Variants in PPP1R1C observed in about 807,000 individuals in gnomAD.
The protein encoded by PPP1R1C is protein phosphatase 1 regulatory subunit 1C.
PPP1R1C carries 15 observed loss-of-function variants against 17.4 expected under a neutral mutation model. The ratio of observed to expected loss-of-function variants is 0.86; its 90% CI spans 0.58 to 1.33. The LOEUF (loss-of-function observed/expected upper bound fraction) is 1.33. PPP1R1C is among the 40% of genes most tolerant of loss of function. The pLI, the probability that PPP1R1C is intolerant of heterozygous loss-of-function variation, is 0.00. For missense variants in PPP1R1C, 143 were observed against 130.0 expected, an observed-to-expected ratio of 1.10 and a Z score of -0.48; for synonymous variants, 35 against 43.1, an observed-to-expected ratio of 0.81 and a Z score of 0.73.
At chr2:182,093,529 A>C (rs553107216) in intron 4 of PPP1R1C, among the ~76,000 whole-genome samples, 1 of 152,282 alleles carries the variant, frequency 6.6e-6, no homozygotes, top group East Asian at 1.9e-4. Flanking sequence ...TTTCTTTTCT[A>C]TTCCATTATC....
chr2:181,990,231 G>C (rs1153747), intron 2 of PPP1R1C, among the ~76,000 whole-genome samples: 118,682 of 151,530 alleles, frequency 0.78, 46,720 homozygotes, highest in East Asian at 1. Context: ...CTCCACCTCC[G>C]GGGTTCACGC....
rs889886090 is a variant in PPP1R1C, at chr2:181,961,259, G to C, written n.111+6625G>C. ...CTCAGACACCACTTTGCGGCGGGTG[G>C]TGGTCTTTGGATGGTTTGCATGGAG... is the stretch of plus-strand genomic sequence containing the variant. On this transcript the variant is annotated intron_variant and non_coding_transcript_variant, in intron 1 of 5. Transcript: ENST00000464264. This position sits in a 1 kb window ranked among gnomAD's most constrained non-coding sequence, Gnocchi z 5.8. 7.0e-5 allele frequency: 54 copies of C among 776,422 alleles called. No individual in the cohort carries two copies. Among genetic ancestry groups the C allele is most frequent in the Non-Finnish European group, 1.2e-4 (53 of 442,488 alleles). The allele number at this position is 776,422 out of a possible 1,614,324, so 48.1% of individuals were successfully genotyped here.
intron 2 of PPP1R1C, among the ~76,000 whole-genome samples, chr2:181,996,502 C>T (rs1685616558): frequency 6.6e-6 from 1 of 152,136 alleles, no homozygotes; most frequent in Non-Finnish European, 1.5e-5. Context: ...ATCTTTGTGA[C>T]TCTACTTCAT....
chr2:182,072,760 T>C (rs1042578748), intron 4 of PPP1R1C, among the ~76,000 whole-genome samples: 2 of 152,244 alleles, frequency 1.3e-5, no homozygotes, highest in African/African-American at 4.8e-5. Context: ...GCTTGGTATC[T>C]TTGTTTTTAA....
At position 181,967,671 on chromosome 2, in the gene PPP1R1C, C is replaced by T. The variant is rs544720149; in HGVS notation, n.112-7548C>T. Among the ~76,000 whole-genome samples, 142 of 151,916 alleles carry T rather than the reference C, an allele frequency of 9.3e-4. No homozygotes were observed. The highest frequency in any genetic ancestry group is 2.8e-3 in the African/African-American group (115 of 41,470). ...TTCCTCCCTCCCTCCCTCCTTCTCT[C>T]TCTCTTTCCTTCCTTCCTTCCTTTC... On this transcript the variant is annotated intron_variant and non_coding_transcript_variant, in intron 1 of 5. Transcript: ENST00000464264. The surrounding 1 kb of genome is among the most constrained non-coding windows in gnomAD (Gnocchi z 5.5).
At chr2:182,036,768 C>A (rs1221412967) in intron 2 of PPP1R1C, among the ~76,000 whole-genome samples, 1 of 151,922 alleles carries the variant, frequency 6.6e-6, no homozygotes, top group Non-Finnish European at 1.5e-5. Flanking sequence ...TTTGCACCAA[C>A]CTAATATGTG....
At chr2:182,078,207 A>G (rs1170989639) in intron 4 of PPP1R1C, among the ~76,000 whole-genome samples, 3 of 152,176 alleles carry the variant, frequency 2.0e-5, no homozygotes, top group African/African-American at 7.2e-5. Context: ...TTTTGGTATG[A>G]AATGGGGTTA....
At chr2:182,084,011 A>G (rs908519239) in intron 4 of PPP1R1C, among the ~76,000 whole-genome samples, 9 of 152,154 alleles carry the variant, frequency 5.9e-5, no homozygotes, top group African/African-American at 1.7e-4. Flanking sequence ...TTCCCTGATT[A>G]TTAGTGATGT....
upstream of PPP1R1C, among the ~76,000 whole-genome samples, chr2:181,984,008 T>G (rs1454352557): frequency 6.6e-6 from 1 of 152,200 alleles, no homozygotes; most frequent in Admixed American, 6.5e-5. Flanking sequence ...TTATTGGTAT[T>G]TATACCAAAC....
intron 4 of PPP1R1C, among the ~76,000 whole-genome samples, chr2:182,086,185 TATC>T (rs1301204198): frequency 6.6e-6 from 1 of 152,134 alleles, no homozygotes; most frequent in Non-Finnish European, 1.5e-5. Flanking sequence ...AAAAAAATGT[TATC>T]ATCATTATAT....
chr2:182,040,861 C>T (rs1574403145), intron 2 of PPP1R1C, among the ~76,000 whole-genome samples: 1 of 152,072 alleles, frequency 6.6e-6, no homozygotes, highest in East Asian at 1.9e-4. Flanking sequence ...CCAGTTTTCT[C>T]TACATGTGGC....
At chr2:182,106,495 C>G (rs1305987972) in intron 4 of PPP1R1C, among the ~76,000 whole-genome samples, 2 of 152,176 alleles carry the variant, frequency 1.3e-5, no homozygotes, top group Non-Finnish European at 1.5e-5. Flanking sequence ...ACTGAGTGGC[C>G]TGACTCCAGG....
intron 4 of PPP1R1C, among the ~76,000 whole-genome samples, chr2:182,067,829 G>A (rs754036313): frequency 7.9e-5 from 12 of 152,172 alleles, no homozygotes; most frequent in Non-Finnish European, 1.3e-4. Context: ...GGAAGTTCAT[G>A]TAAGGTACTT....
At chr2:182,110,300 A>T (rs1689378251) in intron 4 of PPP1R1C, among the ~76,000 whole-genome samples, 1 of 152,148 alleles carries the variant, frequency 6.6e-6, no homozygotes, top group Non-Finnish European at 1.5e-5. Flanking sequence ...ATACATTGTT[A>T]TATGTTAATT....
intron 4 of PPP1R1C, among the ~76,000 whole-genome samples, chr2:182,065,582 A>T (rs550853249): frequency 1.3e-5 from 2 of 152,218 alleles, no homozygotes; most frequent in Non-Finnish European, 2.9e-5. Flanking sequence ...TGCTGAGGGC[A>T]CCATGGTACA....
At position 181,986,124 on chromosome 2, in the gene PPP1R1C, G is replaced by T; in HGVS notation, c.14G>T (p.Ser5Ile). 1 of 1,613,514 alleles carries T rather than the reference G, an allele frequency of 6.2e-7. No homozygotes were observed. Among genetic ancestry groups the T allele is most frequent in the Non-Finnish European group, 8.5e-7 (1 of 1,179,518 alleles). Residue 5 changes from serine to isoleucine, a missense_variant, in exon 1 of 5, where the codon AGT becomes ATT. Coordinates refer to ENST00000682840, the MANE Select transcript of PPP1R1C (RefSeq NM_001080545.3). MEPN[S>I]PKKIQFAVPV... ...ATCATCATTACCATGGAGCCCAACA[G>T]TCCCAAAAAGATACAGTTTGCCGTG...
At chr2:182,032,553 C>A (rs1686877948) in intron 2 of PPP1R1C, among the ~76,000 whole-genome samples, 1 of 152,096 alleles carries the variant, frequency 6.6e-6, no homozygotes, top group South Asian at 2.1e-4. Flanking sequence ...TGGGCCCCAC[C>A]ACATACTTAT....
chr2:181,966,836 G>A (rs150471384), intron 1 of PPP1R1C, among the ~76,000 whole-genome samples: 143 of 152,272 alleles, frequency 9.4e-4, no homozygotes, highest in African/African-American at 3.3e-3. Flanking sequence ...GAGTTTGGAA[G>A]TATTTCTTTC....
In PPP1R1C at chr2:182,061,458, G is replaced by A; in HGVS notation, c.159G>A (p.Arg53=). Residue 53 remains arginine (R), a synonymous_variant, in exon 3 of 5, where the codon AGG becomes AGA. Coordinates refer to ENST00000682840, the MANE Select transcript of PPP1R1C (RefSeq NM_001080545.3). ...CTCTTACAGAAATAGATGACAAGAG[G>A]GGGCCCAACACACAAGGGGAAGTAA... is the stretch of plus-strand genomic sequence containing the variant. ...EHNPPEIDDK[R]GPNTQGELQN... The A allele has an allele frequency of 6.8e-7, 1 of 1,470,102 alleles. No homozygotes were observed. The highest frequency in any genetic ancestry group is 9.0e-7 in the Non-Finnish European group (1 of 1,111,308). 91.1% of individuals were successfully genotyped at this position (1,470,102 alleles called of 1,614,324 possible). A position where few individuals can be genotyped will look rare whatever the true frequency, so the allele number is the denominator to read the frequency against.
Sources: gnomAD v4.1 joint callset for allele counts (sites outside exome capture counted in the v4.1 genomes callset) on GRCh38, gnomAD v4.1.1 for gene constraint, Gnocchi (gnomAD v3.1) non-coding constraint, MANE v1.5 for transcripts, NCBI Gene and HGNC (gene_info 2026-07-23, HGNC 2026-07-21) for gene names.